SLC4A7: variants seen among roughly 807,000 people sequenced by gnomAD.
The protein encoded by SLC4A7 is sodium bicarbonate cotransporter 3.
SLC4A7 carries 51 observed loss-of-function variants against 137.6 expected under a neutral mutation model. The observed-to-expected ratio is 0.37, with a 90% CI of 0.30 to 0.47. SLC4A7 has a LOEUF of 0.47. SLC4A7 is among the 20% of genes least tolerant of loss of function. The probability of loss-of-function intolerance (pLI) is 1.00; values close to 1 mark genes in which losing one functional copy is unlikely to be tolerated. For missense variants in SLC4A7, 1,247 were observed against 1,525.4 expected, an observed-to-expected ratio of 0.82 and a Z score of 3.04; for synonymous variants, 542 against 518.6, an observed-to-expected ratio of 1.05 and a Z score of -0.61.
chr3:27,408,606 C>A (rs1296332900), intron 13 of SLC4A7, among the ~76,000 whole-genome samples: 1 of 152,056 alleles, frequency 6.6e-6, no homozygotes, highest in African/African-American at 2.4e-5. Flanking sequence ...AGAATAAATA[C>A]AATTAAGTAA....
intron 7 of SLC4A7, 157 bp from the exon 8 acceptor site, chr3:27,424,309 A>G: frequency 2.2e-6 from 1 of 460,222 alleles, no homozygotes. Flanking sequence ...TACCAGCAAA[A>G]CTAGAACAAC....
intron 17 of SLC4A7, 61 bp from the exon 18 acceptor site, chr3:27,397,858 TTCACATCTTTTATTG>T (rs2052353583): frequency 5.3e-6 from 5 of 944,060 alleles, no homozygotes; most frequent in Admixed American, 2.6e-5. Flanking sequence ...TTCTAAATAA[TTCACATCTTTTATTG>T]ATAAAATTGT....
intron 1 of SLC4A7, among the ~76,000 whole-genome samples, chr3:27,476,098 A>C (rs2059450151): frequency 1.3e-5 from 2 of 152,332 alleles, no homozygotes; most frequent in East Asian, 3.9e-4. Context: ...ATATATCAAA[A>C]GTCACTGCTT....
intron 13 of SLC4A7, among the ~76,000 whole-genome samples, chr3:27,408,999 G>A (rs2053650770): frequency 6.6e-6 from 1 of 152,056 alleles, no homozygotes; most frequent in Admixed American, 6.5e-5. Context: ...ATATGAAGTA[G>A]CCCCACTGAT....
chr3:27,393,829 C>A (rs1156600092), intron 20 of SLC4A7, among the ~76,000 whole-genome samples: 2 of 151,790 alleles, frequency 1.3e-5, no homozygotes, highest in Non-Finnish European at 2.9e-5. Context: ...AAATAAAAGC[C>A]AACAAGAGGG....
intron 1 of SLC4A7, among the ~76,000 whole-genome samples, chr3:27,466,456 A>T (rs909634286): frequency 1.3e-5 from 2 of 151,392 alleles, no homozygotes; most frequent in East Asian, 3.9e-4. Flanking sequence ...TCTCAAAAAA[A>T]AAAAAGAAAA....
intron 1 of SLC4A7, among the ~76,000 whole-genome samples, chr3:27,476,518 A>G (rs1349973855): frequency 6.6e-6 from 1 of 152,212 alleles, no homozygotes; most frequent in Non-Finnish European, 1.5e-5. Flanking sequence ...ATCATCTGCT[A>G]TCGTTTGGCT....
intron 21 of SLC4A7, among the ~76,000 whole-genome samples, chr3:27,390,470 C>T (rs111972146): frequency 3.9e-4 from 60 of 152,308 alleles, no homozygotes; most frequent in Middle Eastern, 3.4e-3. Flanking sequence ...GTCTGAGTGA[C>T]TTCTAAGGTT....
At chr3:27,456,943 G>A (rs974590736) in intron 1 of SLC4A7, 15 of 984,762 alleles carry the variant, frequency 1.5e-5, no homozygotes, top group Non-Finnish European at 1.7e-5. Context: ...AATACCAAGA[G>A]GAATGCAGCA....
Position 27,433,949 on chromosome 3 carries a change from T to C in SLC4A7, c.745A>G (p.Lys249Glu). 6.2e-7 allele frequency: 1 copy of C among 1,613,886 alleles called. No individual in the cohort carries two copies. The highest frequency in any genetic ancestry group is 8.5e-7 in the Non-Finnish European group (1 of 1,179,892). Residue 249 changes from lysine (K) to glutamate (E), a missense_variant, in exon 6 of 26, where the codon AAA (lysine) becomes GAA (glutamate). Physicochemically the swap from Lys to Glu is moderately conservative, Grantham distance 56 (BLOSUM62 1). Transcript: ENST00000454389. ...TCAAGCAAGTGAGGGTCAGAATGTT[T>C]CTTGCCTATATCTGCAAAAGATCGA... The part of the protein sequence containing the change: ...LVRSFADIGK[K>E]HSDPHLLERN...
At position 27,431,279 on chromosome 3, in the gene SLC4A7, G is replaced by A; in HGVS notation, c.1150+19C>T. 6.5e-7 allele frequency: 1 copy of A among 1,549,582 alleles called. No homozygotes were observed. The highest frequency in any genetic ancestry group is 1.9e-5 in the Admixed American group (1 of 51,940). On this transcript the variant is annotated intron_variant, in intron 7 of 25. Coordinates refer to ENST00000454389, the MANE Select transcript of SLC4A7 (RefSeq NM_001321103.2). ...TCAGAGGCAGAAAGCACCACACATG[G>A]AGGATTTTGGATAGTTGCCTGGAGT...
intron 1 of SLC4A7, among the ~76,000 whole-genome samples, chr3:27,466,265 C>T (rs1459299073): frequency 3.3e-5 from 5 of 151,160 alleles, no homozygotes; most frequent in African/African-American, 1.2e-4. Context: ...TCCTGGCTAA[C>T]ACGGTGAAAC....
rs75022086 is a variant in SLC4A7, at chr3:27,379,953, T to A, written c.3591-597A>T. On this transcript the variant is annotated intron_variant, in intron 24 of 25. Coordinates refer to ENST00000454389, the MANE Select transcript of SLC4A7 (RefSeq NM_001321103.2). ...AAAATAGCCTCATGAGTACCACTTT[T>A]ACCTGTTATTCACATATTTAGTGTG... Among the ~76,000 whole-genome samples the A allele has an allele frequency of 2.2e-3, 338 of 152,344 alleles. 12 individuals carry two copies. The East Asian group carries it at 0.055, about 25-fold the overall frequency.
In SLC4A7 at chr3:27,375,442, A is replaced by T. The variant is rs2049840249; in HGVS notation, c.*1322T>A. On this transcript the variant is annotated 3_prime_UTR_variant, in exon 26 of 26. Transcript: ENST00000454389. ...TGGAACTAAAAGTATATAAAAGATG[A>T]CTAAAAAGATTTGTTAGACTTTAAA... 6.6e-6 allele frequency: 1 copy of T among 152,466 alleles called. No individual in the cohort carries two copies. The allele number at this position is 152,466 out of a possible 1,614,324, so 9.4% of individuals were successfully genotyped here. A position where few individuals can be genotyped will look rare whatever the true frequency, so the allele number is the denominator to read the frequency against.
At position 27,456,637 on chromosome 3, in the gene SLC4A7, A is replaced by T. The variant is rs184887667; in HGVS notation, c.61-4139T>A. On this transcript the variant is annotated intron_variant, in intron 1 of 25. Coordinates refer to ENST00000454389, the MANE Select transcript of SLC4A7 (RefSeq NM_001321103.2). ...GTTTGTAAATAAAAGACAAGATCAT[A>T]ATTAGGTACATACAGGTAACTTCTT... The T allele has an allele frequency of 2.8e-4, 421 of 1,506,302 alleles. No individual in the cohort carries two copies. In the East Asian group the frequency reaches 8.3e-3, roughly 30 times the overall value. The allele number at this position is 1,506,302 out of a possible 1,614,324, so 93.3% of individuals were successfully genotyped here.
intron 7 of SLC4A7, chr3:27,428,258 G>GT (rs1409776451): frequency 7.1e-5 from 11 of 154,238 alleles, no homozygotes; most frequent in Admixed American, 5.2e-4. Context: ...AGATTTTGTT[G>GT]TAAGTGGACC....
chr3:27,416,137 A>T (rs1231529465), intron 11 of SLC4A7, among the ~76,000 whole-genome samples: 1 of 152,200 alleles, frequency 6.6e-6, no homozygotes, highest in African/African-American at 2.4e-5. Context: ...GATGAAAAAT[A>T]TATGAGAACC....
intron 1 of SLC4A7, among the ~76,000 whole-genome samples, chr3:27,459,558 A>G (rs1001727933): frequency 6.6e-6 from 1 of 152,112 alleles, no homozygotes; most frequent in African/African-American, 2.4e-5. Flanking sequence ...TCTTCACTCC[A>G]TTTTCAGCCT....
In SLC4A7 at chr3:27,409,507, T is replaced by C; in HGVS notation, c.1790A>G (p.Asp597Gly). Residue 597 changes from aspartate (D) to glycine (G), a missense_variant, in exon 13 of 26, where the codon GAC (aspartate) becomes GGC (glycine). Asp to Gly is a moderately conservative substitution (Grantham distance 94). This residue lies in a region of SLC4A7 where 499 missense variants were observed against 664.2 expected (regional missense o/e 0.75). Coordinates refer to ENST00000454389, the MANE Select transcript of SLC4A7 (RefSeq NM_001321103.2). ...GAAAAAAGGTGCTTTCCTTTTGATG[T>C]CAAGTATCAAACCACCAAAAAGCCT... ...TGRLFGGLIL[D>G]IKRKAPFFLS... 6.2e-7 allele frequency: 1 copy of C among 1,613,132 alleles called. No individual in the cohort carries two copies.
Sources: allele counts gnomAD v4.1 joint callset (sites outside exome capture counted in the v4.1 genomes callset), GRCh38; gene constraint gnomAD v4.1.1; regional missense constraint gnomAD v4.1.1; transcripts MANE v1.5; gene names NCBI Gene and HGNC (gene_info 2026-07-23, HGNC 2026-07-21).